Variants in SOX30 observed in about 807,000 individuals in gnomAD.
SOX30 encodes the protein SRY-box transcription factor 30.
Under a neutral mutation model 58.6 loss-of-function variants are expected in SOX30, and 17 were observed. The observed-to-expected ratio is 0.29, with a 90% CI of 0.20 to 0.44. SOX30 has a LOEUF of 0.44. SOX30 is among the 20% of genes least tolerant of loss of function. The pLI, the probability that SOX30 is intolerant of heterozygous loss-of-function variation, is 1.00. For synonymous variants in SOX30, 421 were observed against 400.2 expected (o/e 1.05, Z -0.62); for missense variants, 951 against 965.8 (o/e 0.98, Z 0.20).
chr5:157,635,974 T>C (rs1561580177), intron 4 of SOX30, among the ~76,000 whole-genome samples: 1 of 152,248 alleles, frequency 6.6e-6, no homozygotes, highest in Non-Finnish European at 1.5e-5. Flanking sequence ...AATTTGACTA[T>C]TGGCTCTGCC....
chr5:157,659,546 TTC>T (rs1759539694), intron 2 of SOX30, among the ~76,000 whole-genome samples: 1 of 152,260 alleles, frequency 6.6e-6, no homozygotes, highest in Non-Finnish European at 1.5e-5. Flanking sequence ...GAACTCTCTG[TTC>T]TGTTCCTTCC....
Position 157,626,474 on chromosome 5 carries a change from G to A in SOX30, c.2128C>T (p.Pro710Ser), listed in dbSNP as rs1758657334. The change falls in exon 5 of 5, where the codon CCT (proline) becomes TCT (serine). Residue 710 changes from proline (P) to serine (S), a missense_variant. Physicochemically the swap from Pro to Ser is moderately conservative, Grantham distance 74. This residue lies in a region of SOX30 where 381 missense variants were observed against 390.0 expected (regional missense o/e 0.98). Transcript: ENST00000265007. The part of the protein sequence containing the change: ...HSHSGEENLN[P>S]VPQLDIGTLE... ...GTTCCAATGTCCAGCTGAGGCACAG[G>A]GTTTAAGTTTTCTTCCCCACTGTGG... is the stretch of plus-strand genomic sequence containing the variant. The A allele has an allele frequency of 1.2e-6, 2 of 1,613,974 alleles. No individual in the cohort carries two copies. The highest frequency in any genetic ancestry group is 1.7e-5 in the Admixed American group (1 of 59,976).
chr5:157,626,558 T>TG lies in SOX30; in HGVS notation c.2043dup (p.Ser682GlnfsTer2). ...TTCTCACAACTCCGAGAATTTTCAC[T>TG]GTGTGTGCATTCACTTGAGTAGTCT... On this transcript the variant is annotated frameshift_variant, in exon 5 of 5. Transcript: ENST00000265007. LOFTEE classifies it high-confidence loss of function. 1.2e-6 allele frequency: 2 copies of TG among 1,614,214 alleles called. No homozygotes were observed. The highest frequency in any genetic ancestry group is 1.7e-6 in the Non-Finnish European group (2 of 1,180,032).
intron 4 of SOX30, among the ~76,000 whole-genome samples, chr5:157,631,054 TATATATATATATATAC>T (rs1758791338): frequency 4.6e-5 from 2 of 43,128 alleles, no homozygotes; most frequent in African/African-American, 1.4e-4. Context: ...ATTTTATATA[TATATATATATATATAC>T]ACACAATATA....
chr5:157,633,013 C>A (rs770024842), intron 4 of SOX30, among the ~76,000 whole-genome samples: 6 of 152,014 alleles, frequency 3.9e-5, no homozygotes, highest in Non-Finnish European at 7.4e-5. Context: ...CGCTTGAACC[C>A]CAGAGGCAGA....
rs745338061 is a variant in SOX30, at chr5:157,651,248, T to C, written c.831A>G (p.Gly277=). 3.1e-5 allele frequency: 50 copies of C among 1,613,982 alleles called. No individual in the cohort carries two copies. The highest frequency in any genetic ancestry group is 3.3e-5 in the Admixed American group (2 of 60,008). The change falls in exon 1 of 5, where the codon GGA becomes GGG. Residue 277 remains glycine, a synonymous_variant. Coordinates refer to ENST00000265007, the MANE Select transcript of SOX30 (RefSeq NM_178424.2). ...ATCTTATCAGCTCTGAAGGCGGAGC[T>C]CCCTGAAACTGGATCCGGGCCCCAG... is the stretch of plus-strand genomic sequence containing the variant. ...VPPGARIQFQ[G]APPSELIRLT...
At chr5:157,648,927 A>C in intron 1 of SOX30, 31 bp from the exon 2 acceptor site, 1 of 1,527,216 alleles carries the variant, frequency 6.5e-7, no homozygotes, top group Non-Finnish European at 8.7e-7. Context: ...GGCTAAATTA[A>C]TGTGCCATAC....
rs1254168354 is a variant in SOX30 at position 157,638,335 on chromosome 5, T to C, written c.1775A>G (p.Tyr592Cys). The C allele has an allele frequency of 6.2e-6, 10 of 1,612,430 alleles. No individual in the cohort carries two copies. Among genetic ancestry groups the C allele is most frequent in the Non-Finnish European group, 8.5e-6 (10 of 1,179,172 alleles). The change falls in exon 4 of 5, where the codon TAC (tyrosine) becomes TGC (cysteine). Residue 592 changes from tyrosine to cysteine, a missense_variant. Transcript: ENST00000265007. Reference protein sequence around the residue: ...QASPIPHPHVYQPPPLGHPAT... With the variant: ...QASPIPHPHVCQPPPLGHPAT... The stretch of plus-strand genomic sequence containing the variant: ...TGGATGGCCAAGGGGAGGGGGCTGG[T>C]AGACATGTGGGTGTGGAATGGGAGA...
At position 157,638,360 on chromosome 5, in the gene SOX30, A is replaced by T. The variant is rs1423716005; in HGVS notation, c.1750T>A (p.Ser584Thr). ...CPRSAPIPQA[S>T]PIPHPHVYQP... ...TAGACATGTGGGTGTGGAATGGGAGAAGCCTGGGGGATTGGAGCACTTCTG... is the reference window on the plus strand; with the variant it reads ...TAGACATGTGGGTGTGGAATGGGAGTAGCCTGGGGGATTGGAGCACTTCTG... The change falls in exon 4 of 5, where the codon TCT becomes ACT. Residue 584 changes from serine to threonine, a missense_variant. Transcript: ENST00000265007. 1 of 1,613,592 alleles carries T rather than the reference A, an allele frequency of 6.2e-7. No homozygotes were observed. The highest frequency in any genetic ancestry group is 1.1e-5 in the South Asian group (1 of 91,062).
At chr5:157,631,063 A>G (rs1251883897) in intron 4 of SOX30, among the ~76,000 whole-genome samples, 7 of 34,692 alleles carry the variant, frequency 2.0e-4, no homozygotes, top group Non-Finnish European at 3.4e-4. Context: ...ATATATATAT[A>G]TATATACACA....
chr5:157,632,997 G>A (rs1321011880), intron 4 of SOX30, among the ~76,000 whole-genome samples: 1 of 152,090 alleles, frequency 6.6e-6, no homozygotes, highest in Non-Finnish European at 1.5e-5. Flanking sequence ...GCTGAGGCAC[G>A]AGAATCGCTT....
chr5:157,649,156 T>C (rs935568387), intron 1 of SOX30, among the ~76,000 whole-genome samples: 3 of 152,114 alleles, frequency 2.0e-5, no homozygotes, highest in African/African-American at 7.2e-5. Flanking sequence ...AATAATCATG[T>C]TGAAGAGAGT....
chr5:157,631,835 A>G (rs1226001560), intron 4 of SOX30, among the ~76,000 whole-genome samples: 1 of 150,870 alleles, frequency 6.6e-6, no homozygotes, highest in Non-Finnish European at 1.5e-5. Context: ...GGAGGCCAGG[A>G]GTTTGAAAAC....
intron 4 of SOX30, among the ~76,000 whole-genome samples, chr5:157,630,632 T>C (rs1196639906): frequency 6.6e-6 from 1 of 151,818 alleles, no homozygotes; most frequent in Non-Finnish European, 1.5e-5. Flanking sequence ...CATATTTTCC[T>C]GGTCTTTACA....
rs770151696 is a variant in SOX30 at position 157,633,071 on chromosome 5, C to CA, written c.1880+5158dup. On this transcript the variant is annotated intron_variant, in intron 4 of 4. Coordinates refer to ENST00000265007, the MANE Select transcript of SOX30 (RefSeq NM_178424.2). ...AGACAGAGCAAGACTCTCAAAAAAA[C>CA]AAAAAAAAGAAAAATTCCTTCCAGG... Among the ~76,000 whole-genome samples, 48 of 151,674 alleles carry CA rather than the reference C, an allele frequency of 3.2e-4. 1 individual carries two copies. The East Asian group carries it at 3.9e-3, about 12-fold the overall frequency.
intron 2 of SOX30, chr5:157,667,700 C>T: frequency 1.4e-6 from 2 of 1,472,812 alleles, no homozygotes; most frequent in Non-Finnish European, 1.8e-6. Flanking sequence ...TATCATGCCA[C>T]TGCCCTCCAG....
intron 4 of SOX30, among the ~76,000 whole-genome samples, chr5:157,632,047 T>TGAAAAAAAAAAAAA (rs1758824530): frequency 1.8e-5 from 1 of 56,394 alleles, no homozygotes; most frequent in African/African-American, 7.8e-5. Context: ...ACCCCGTAAC[T>TGAAAAAAAAAAAAA]AAAAAAAAAA....
intron 2 of SOX30, among the ~76,000 whole-genome samples, chr5:157,666,469 A>T (rs1759672912): frequency 7.2e-6 from 1 of 138,344 alleles, no homozygotes; most frequent in South Asian, 2.4e-4. Context: ...AAGATTCTTT[A>T]GTCCAGTAGA....
intron 1 of SOX30, 145 bp downstream of exon 1, chr5:157,650,967 G>GA: frequency 1.6e-6 from 1 of 608,834 alleles, no homozygotes. Flanking sequence ...AAGTCGATCA[G>GA]AAGTGATACC....
Sources: allele counts gnomAD v4.1 joint callset (sites outside exome capture counted in the v4.1 genomes callset), GRCh38; gene constraint gnomAD v4.1.1; regional missense constraint gnomAD v4.1.1; transcripts MANE v1.5; gene names NCBI Gene and HGNC (gene_info 2026-07-23, HGNC 2026-07-21).